Variants in CEP97 observed in about 807,000 individuals in gnomAD.
CEP97 encodes the protein centrosomal protein 97, also known as centrosomal protein of 97 kDa.
In CEP97, 43 loss-of-function variants were observed where a neutral mutation model predicts 73.1. The observed-to-expected ratio is 0.59, with a 90% CI of 0.46 to 0.76. The LOEUF is 0.76. Ranked by LOEUF, CEP97 falls within the 30% of genes least tolerant of loss-of-function variation. The probability of loss-of-function intolerance (pLI) is 0.00; values close to 1 mark genes in which losing one functional copy is unlikely to be tolerated. For missense variants in CEP97, 939 were observed against 1,014.0 expected (o/e 0.93, Z 1.00); for synonymous variants, 337 against 370.0 (o/e 0.91, Z 1.02).
chr3:101,741,156 A>G (rs1938440609), intron 6 of CEP97, among the ~76,000 whole-genome samples: 1 of 152,228 alleles, frequency 6.6e-6, no homozygotes, highest in South Asian at 2.1e-4. Context: ...CAAACCTGCA[A>G]GCAATGGGGA....
chr3:101,748,661 G>C (rs1938700314), intron 6 of CEP97, among the ~76,000 whole-genome samples: 1 of 152,104 alleles, frequency 6.6e-6, no homozygotes, highest in Non-Finnish European at 1.5e-5. Context: ...TTTCTTTTGA[G>C]ATGGAGTCTC....
At chr3:101,762,404 G>T in intron 9 of CEP97, 81 bp from the exon 10 acceptor site, 1 of 718,402 alleles carries the variant, frequency 1.4e-6, no homozygotes, top group Non-Finnish European at 2.4e-6. Flanking sequence ...TCTTTACAAT[G>T]CATGTGTTTA....
chr3:101,755,927 C>T (rs1938991689), intron 7 of CEP97, among the ~76,000 whole-genome samples: 1 of 152,150 alleles, frequency 6.6e-6, no homozygotes, highest in Non-Finnish European at 1.5e-5. Context: ...GAGATGAGGT[C>T]TCACTTTGTT....
At position 101,758,378 on chromosome 3, in the gene CEP97, G is replaced by A. The variant is rs770975681; in HGVS notation, c.1772G>A (p.Arg591His). The A allele has an allele frequency of 1.5e-5, 24 of 1,614,026 alleles. No homozygotes were observed. Among genetic ancestry groups the A allele is most frequent in the African/African-American group, 5.3e-5 (4 of 74,934 alleles). The change falls in exon 9 of 11, where the codon CGC becomes CAC. Residue 591 changes from arginine (R) to histidine (H), a missense_variant. Coordinates refer to ENST00000341893, the MANE Select transcript of CEP97 (RefSeq NM_024548.4). ...GATGTGCGTTACGAAATCCGGCTACGCAGAATGCAAGAGCACATTGTCTGC... is the reference window on the plus strand; with the variant it reads ...GATGTGCGTTACGAAATCCGGCTACACAGAATGCAAGAGCACATTGTCTGC... Reference protein sequence around the residue: ...AKDVRYEIRLRRMQEHIVCLT... With the variant: ...AKDVRYEIRLHRMQEHIVCLT...
At position 101,728,945 on chromosome 3, in the gene CEP97, T is replaced by C. The variant is rs1274831347; in HGVS notation, c.447+8T>C. ...AAATTGGTATCCCTGAAAGTAAGTA[T>C]GTTTTCTTTGTCATTTGTGAAGTTT... On this transcript the variant is annotated splice_region_variant and intron_variant, in intron 4 of 10. Transcript: ENST00000341893. 5 of 1,395,740 alleles carry C rather than the reference T, an allele frequency of 3.6e-6. No homozygotes were observed. In the Admixed American group the frequency reaches 7.1e-5, roughly 20 times the overall value. 86.5% of individuals were successfully genotyped at this position (1,395,740 alleles called of 1,614,324 possible).
chr3:101,758,096 A>G lies in CEP97; in HGVS notation c.1490A>G (p.Asp497Gly). The G allele has an allele frequency of 6.2e-7, 1 of 1,614,248 alleles. No individual in the cohort carries two copies. The highest frequency in any genetic ancestry group is 1.1e-5 in the South Asian group (1 of 91,084). The change falls in exon 9 of 11, where the codon GAT (aspartate) becomes GGT (glycine). Residue 497 changes from aspartate (D) to glycine (G), a missense_variant. Asp to Gly is a moderately conservative substitution (Grantham distance 94, BLOSUM62 -1). Transcript: ENST00000341893. ...PTIISAILKDDNHSLTFFPES... is the reference protein window; with the variant it reads ...PTIISAILKDGNHSLTFFPES... ...ATAATCAGTGCTATCTTGAAGGATGATAACCACAGTCTTACATTTTTTCCT... is the reference window on the plus strand; with the variant it reads ...ATAATCAGTGCTATCTTGAAGGATGGTAACCACAGTCTTACATTTTTTCCT...
At chr3:101,747,713 A>G (rs75873436) in intron 6 of CEP97, among the ~76,000 whole-genome samples, 7 of 126,960 alleles carry the variant, frequency 5.5e-5, no homozygotes, top group Admixed American at 1.6e-4. Context: ...TTTTTTTTTT[A>G]AAGAGACAGA....
chr3:101,770,244 C>G lies in CEP97; in HGVS notation c.*4693C>G, dbSNP rs1277942284. Reference sequence around the variant, plus strand: ...TTCACCATGTTGGCCAGGATGGTCTCAATCTCTTGACCTCGTGATCCACCC... The same window carrying G: ...TTCACCATGTTGGCCAGGATGGTCTGAATCTCTTGACCTCGTGATCCACCC... On this transcript the variant is annotated 3_prime_UTR_variant, in exon 11 of 11. Coordinates refer to ENST00000341893, the MANE Select transcript of CEP97 (RefSeq NM_024548.4). The G allele has an allele frequency of 2.0e-5, 3 of 152,224 alleles. No homozygotes were observed. Among genetic ancestry groups the G allele is most frequent in the Non-Finnish European group, 4.4e-5 (3 of 68,098 alleles). 9.4% of individuals were successfully genotyped at this position (152,224 alleles called of 1,614,324 possible).
At chr3:101,750,661 A>G (rs1938779587) in intron 6 of CEP97, among the ~76,000 whole-genome samples, 1 of 152,148 alleles carries the variant, frequency 6.6e-6, no homozygotes, top group African/African-American at 2.4e-5. Flanking sequence ...GTGTCGAGGA[A>G]TTTATCCATT....
chr3:101,747,240 C>A (rs1410747990), intron 6 of CEP97, among the ~76,000 whole-genome samples: 1 of 151,376 alleles, frequency 6.6e-6, no homozygotes, highest in South Asian at 2.1e-4. Flanking sequence ...ATATCAGATA[C>A]CCTTTTATTC....
intron 6 of CEP97, 124 bp downstream of exon 6, chr3:101,732,778 G>A: frequency 1.4e-6 from 1 of 735,392 alleles, no homozygotes; most frequent in Non-Finnish European, 2.2e-6. Context: ...CAGTCATGTA[G>A]CAGACTATAT....
intron 6 of CEP97, among the ~76,000 whole-genome samples, chr3:101,742,362 A>G (rs1938485301): frequency 6.6e-6 from 1 of 152,210 alleles, no homozygotes; most frequent in South Asian, 2.1e-4. Context: ...TAGACTGGAT[A>G]AAGAAAATGT....
chr3:101,726,701 T>C lies in CEP97; in HGVS notation c.151T>C (p.Leu51=), dbSNP rs1937901361. The C allele has an allele frequency of 2.5e-6, 4 of 1,608,296 alleles. No homozygotes were observed. The highest frequency in any genetic ancestry group is 2.2e-5 in the South Asian group (2 of 90,280). ...TCTGGATAAAAATCAGATTATTAAA[T>C]TGGAAAATCTGGAGAAATGCAAACG... The part of the protein sequence containing the change: ...LILDKNQIIK[L]ENLEKCKRLI... Residue 51 remains leucine, a synonymous_variant, in exon 2 of 11, where the codon TTG becomes CTG. Coordinates refer to ENST00000341893, the MANE Select transcript of CEP97 (RefSeq NM_024548.4).
chr3:101,736,006 C>T (rs995140171), intron 6 of CEP97, among the ~76,000 whole-genome samples: 13 of 152,130 alleles, frequency 8.5e-5, no homozygotes, highest in South Asian at 2.1e-4. Context: ...TCGAGCTTGT[C>T]GGGGGAGGGG....
At chr3:101,764,741 C>G in intron 10 of CEP97, 106 bp from the exon 11 acceptor site, 1 of 934,874 alleles carries the variant, frequency 1.1e-6, no homozygotes, top group Non-Finnish European at 1.6e-6. Flanking sequence ...CATGATTGTG[C>G]TGCTGCACTC....
chr3:101,757,892 G>T lies in CEP97; in HGVS notation c.1286G>T (p.Gly429Val). The part of the protein sequence containing the change: ...VELRLQGINL[G>V]LEDDGVADES... ...CTGAGGCTGCAGGGCATTAACTTGG[G>T]CCTAGAAGATGATGGTGTTGCAGAT... The change falls in exon 9 of 11, where the codon GGC becomes GTC. Residue 429 changes from glycine (G) to valine (V), a missense_variant. Gly to Val is a moderately radical substitution (Grantham distance 109, BLOSUM62 -3). Coordinates refer to ENST00000341893, the MANE Select transcript of CEP97 (RefSeq NM_024548.4). 3 of 1,614,232 alleles carry T rather than the reference G, an allele frequency of 1.9e-6. No individual in the cohort carries two copies. Among genetic ancestry groups the T allele is most frequent in the Non-Finnish European group, 2.5e-6 (3 of 1,180,044 alleles).
chr3:101,739,903 TA>T (rs71625596), intron 6 of CEP97, among the ~76,000 whole-genome samples: 394 of 142,276 alleles, frequency 2.8e-3, no homozygotes, highest in African/African-American at 4.7e-3. Flanking sequence ...AGACACCATC[TA>T]AAAAAAAAAA....
chr3:101,752,712 A>G (rs1227372400), intron 6 of CEP97, among the ~76,000 whole-genome samples: 3 of 151,968 alleles, frequency 2.0e-5, no homozygotes, highest in African/African-American at 7.3e-5. Context: ...TGCATTCTTC[A>G]CGTAGTTCTC....
intron 6 of CEP97, among the ~76,000 whole-genome samples, chr3:101,750,929 G>A (rs1280437516): frequency 6.6e-6 from 1 of 152,134 alleles, no homozygotes; most frequent in Non-Finnish European, 1.5e-5. Flanking sequence ...CTGCTCTGAT[G>A]TTAGTTATTT....
Sources: allele counts gnomAD v4.1 joint callset (sites outside exome capture counted in the v4.1 genomes callset), GRCh38; gene constraint gnomAD v4.1.1; transcripts MANE v1.5; gene names NCBI Gene and HGNC (gene_info 2026-07-23, HGNC 2026-07-21).